The following CPNE8 variants were observed in gnomAD, a reference collection of about 807,000 sequenced individuals.
The protein encoded by CPNE8 is copine 8, also known as copine-8.
Under a neutral mutation model 81.5 loss-of-function variants are expected in CPNE8, and 45 were observed. The observed-to-expected ratio is 0.55, with a 90% CI of 0.44 to 0.71. CPNE8 has a LOEUF of 0.71. Among genes scored for constraint, CPNE8 ranks in the 30% least tolerant of loss-of-function variants. The pLI is 0.00. For missense variants in CPNE8, 594 were observed against 672.1 expected, an observed-to-expected ratio of 0.88 and a Z score of 1.28; for synonymous variants, 252 against 226.3, an observed-to-expected ratio of 1.11 and a Z score of -1.02.
chr12:38,823,220 A>G (rs1943133883), intron 6 of CPNE8, among the ~76,000 whole-genome samples: 1 of 152,148 alleles, frequency 6.6e-6, no homozygotes, highest in Non-Finnish European at 1.5e-5. Flanking sequence ...CTTCTTCCTT[A>G]TTCTGAAGCT....
intron 1 of CPNE8, among the ~76,000 whole-genome samples, chr12:38,886,729 G>A (rs527583068): frequency 6.6e-6 from 1 of 152,302 alleles, no homozygotes; most frequent in East Asian, 1.9e-4. Context: ...AATGAAAAAT[G>A]AATCCTCTTG....
chr12:38,769,624 T>C (rs960895207), intron 7 of CPNE8, among the ~76,000 whole-genome samples: 6 of 152,174 alleles, frequency 3.9e-5, no homozygotes, highest in Non-Finnish European at 8.8e-5. Context: ...AACATTACAC[T>C]TTAACACATT....
At chr12:38,822,992 T>A (rs1386305324) in intron 6 of CPNE8, among the ~76,000 whole-genome samples, 4 of 144,290 alleles carry the variant, frequency 2.8e-5, no homozygotes, top group African/African-American at 7.2e-5. Context: ...GCTAAAAACA[T>A]GCCCTGTTTT....
At chr12:38,808,138 CTT>C (rs554979314) in intron 6 of CPNE8, among the ~76,000 whole-genome samples, 290 of 152,150 alleles carry the variant, frequency 1.9e-3, no homozygotes, top group African/African-American at 6.8e-3. Flanking sequence ...AATAGGAACA[CTT>C]TTACACTGTT....
chr12:38,737,612 A>G (rs1940984790), intron 10 of CPNE8, among the ~76,000 whole-genome samples: 1 of 152,074 alleles, frequency 6.6e-6, no homozygotes, highest in Non-Finnish European at 1.5e-5. Flanking sequence ...TCATCTCTCT[A>G]GATTTGCTAT....
At chr12:38,865,424 T>A (rs1406601201) in intron 3 of CPNE8, among the ~76,000 whole-genome samples, 1 of 152,186 alleles carries the variant, frequency 6.6e-6, no homozygotes, top group Non-Finnish European at 1.5e-5. Context: ...TGGGGTATAT[T>A]CATAAAATAG....
In CPNE8 at chr12:38,719,127, C is replaced by G. The variant is rs552843774; in HGVS notation, c.914+4645G>C. On this transcript the variant is annotated intron_variant, in intron 13 of 19. Coordinates refer to ENST00000331366, the MANE Select transcript of CPNE8 (RefSeq NM_153634.3). ...AAGATGTCATTAGGTCATGGAAGAG[C>G]TGGAAGATTGAATTGAATTATATCC... Among the ~76,000 whole-genome samples, 3 of 152,010 alleles carry G rather than the reference C, an allele frequency of 2.0e-5. No individual in the cohort carries two copies. The East Asian group carries it at 5.8e-4, about 29-fold the overall frequency.
At chr12:38,838,271 T>A (rs1164413163) in intron 5 of CPNE8, among the ~76,000 whole-genome samples, 1 of 152,030 alleles carries the variant, frequency 6.6e-6, no homozygotes, top group South Asian at 2.1e-4. Context: ...ACAGAGAAAC[T>A]TGGTCTTCAA....
chr12:38,902,995 C>T (rs1187157539), intron 1 of CPNE8, among the ~76,000 whole-genome samples: 1 of 152,136 alleles, frequency 6.6e-6, no homozygotes, highest in Non-Finnish European at 1.5e-5. Context: ...GAACAAGTCA[C>T]AAAGCCAGAA....
intron 11 of CPNE8, among the ~76,000 whole-genome samples, chr12:38,725,227 G>T (rs528580336): frequency 6.6e-6 from 1 of 151,998 alleles, no homozygotes; most frequent in East Asian, 1.9e-4. Context: ...AAAAATGATG[G>T]GTTGTTAAAG....
At chr12:38,760,435 G>GTGTATATATATATATATA (rs1555154496) in intron 10 of CPNE8, among the ~76,000 whole-genome samples, 4 of 127,276 alleles carry the variant, frequency 3.1e-5, no homozygotes, top group African/African-American at 1.4e-4. Context: ...TGTATGGTGT[G>GTGTATATATATATATATA]TATATATATA....
At position 38,796,986 on chromosome 12, in the gene CPNE8, G is replaced by A. The variant is rs943283629; in HGVS notation, c.408-20685C>T. Reference sequence around the variant, plus strand: ...GATCAAACTGCAAGGCGGCAGCAAGGCTGGGGGACGGGTGCCCGCCATTGC... The same window carrying A: ...GATCAAACTGCAAGGCGGCAGCAAGACTGGGGGACGGGTGCCCGCCATTGC... On this transcript the variant is annotated intron_variant, in intron 6 of 19. Coordinates refer to ENST00000331366, the MANE Select transcript of CPNE8 (RefSeq NM_153634.3). Among the ~76,000 whole-genome samples the A allele has an allele frequency of 4.6e-5, 7 of 152,218 alleles. No individual in the cohort carries two copies. The East Asian group carries it at 1.4e-3, about 29-fold the overall frequency.
chr12:38,877,350 TA>T (rs1180407760), intron 1 of CPNE8, among the ~76,000 whole-genome samples: 1 of 152,034 alleles, frequency 6.6e-6, no homozygotes, highest in Non-Finnish European at 1.5e-5. Context: ...ATTGCACTTT[TA>T]AAAATAAACA....
rs545867880 is a variant in CPNE8 at position 38,831,524 on chromosome 12, A to G, written c.331-2069T>C. Among the ~76,000 whole-genome samples the G allele has an allele frequency of 2.0e-5, 3 of 152,328 alleles. No homozygotes were observed. The East Asian group carries it at 5.8e-4, about 29-fold the overall frequency. Reference sequence around the variant, plus strand: ...GGTGAAAACCATACTTGCACATGAGACAAAAAATAACCCCACATCTGATAC... The same window carrying G: ...GGTGAAAACCATACTTGCACATGAGGCAAAAAATAACCCCACATCTGATAC... On this transcript the variant is annotated intron_variant, in intron 5 of 19. Transcript: ENST00000331366.
At chr12:38,748,479 G>A (rs1941285250) in intron 10 of CPNE8, among the ~76,000 whole-genome samples, 1 of 151,806 alleles carries the variant, frequency 6.6e-6, no homozygotes, top group Non-Finnish European at 1.5e-5. Context: ...AAAATTACTA[G>A]ATAAAAGTCG....
intron 13 of CPNE8, among the ~76,000 whole-genome samples, chr12:38,706,507 C>A (rs1052616124): frequency 6.6e-6 from 1 of 152,178 alleles, no homozygotes; most frequent in South Asian, 2.1e-4. Flanking sequence ...CATGCTTGGG[C>A]AAATTTTTCC....
chr12:38,701,906 G>T (rs1425893371), intron 14 of CPNE8, among the ~76,000 whole-genome samples: 3 of 152,200 alleles, frequency 2.0e-5, no homozygotes, highest in Non-Finnish European at 4.4e-5. Context: ...AGCTGAATTA[G>T]AGTCTGGTCT....
In CPNE8 at chr12:38,740,386, T is replaced by G. The variant is rs1941068289; in HGVS notation, c.723-10028A>C. Among the ~76,000 whole-genome samples the G allele has an allele frequency of 2.0e-5, 3 of 152,338 alleles. No homozygotes were observed. In the South Asian group the frequency reaches 6.2e-4, roughly 32 times the overall value. ...CCTCTTTTCCTAATTGAATACTGTT[T>G]CTTTCTCCTGCCTGATTGCCGTGGC... On this transcript the variant is annotated intron_variant, in intron 10 of 19. Coordinates refer to ENST00000331366, the MANE Select transcript of CPNE8 (RefSeq NM_153634.3).
intron 19 of CPNE8, among the ~76,000 whole-genome samples, chr12:38,664,616 T>C (rs1329627437): frequency 6.6e-6 from 1 of 152,170 alleles, no homozygotes; most frequent in Admixed American, 6.6e-5. Flanking sequence ...GATATGCAGA[T>C]GTTTTTTAAT....
Sources: gnomAD v4.1 joint callset for allele counts (sites outside exome capture counted in the v4.1 genomes callset) on GRCh38, gnomAD v4.1.1 for gene constraint, MANE v1.5 for transcripts, NCBI Gene and HGNC (gene_info 2026-07-23, HGNC 2026-07-21) for gene names.